LMO7: variants seen among roughly 807,000 people sequenced by gnomAD.
The protein encoded by LMO7 is LIM domain 7, also known as LIM domain only protein 7.
Under a neutral mutation model 206.5 loss-of-function variants are expected in LMO7, and 120 were observed. The ratio of observed to expected loss-of-function variants is 0.58; its 90% CI spans 0.50 to 0.68. The LOEUF is 0.68. Ranked by LOEUF, LMO7 falls within the 30% of genes least tolerant of loss-of-function variation. The pLI, the probability that LMO7 is intolerant of heterozygous loss-of-function variation, is 0.00. For synonymous variants in LMO7, 706 were observed against 681.5 expected (o/e 1.04, Z -0.56); for missense variants, 1,959 against 1,957.9 (o/e 1.00, Z -0.01).
Position 75,844,909 on chromosome 13 carries a change from T to C in LMO7, c.4098-418T>C, listed in dbSNP as rs74096439. 2.2e-3 allele frequency among the ~76,000 whole-genome samples: 338 copies of C among 152,322 alleles called. 1 individual carries two copies. The highest frequency in any genetic ancestry group is 7.8e-3 in the African/African-American group (324 of 41,588). ...TCCACAGTAGTCAGTGGCACTCTAA[T>C]GCCCAAGAAGTTGACATGATAACCC... On this transcript the variant is annotated intron_variant, in intron 25 of 30. Coordinates refer to ENST00000377534, the MANE Select transcript of LMO7 (RefSeq NM_001306080.2).
chr13:75,781,095 C>CCT (rs1555319753), intron 4 of LMO7, among the ~76,000 whole-genome samples: 1 of 59,994 alleles, frequency 1.7e-5, no homozygotes, highest in Non-Finnish European at 3.5e-5. Context: ...ACTCTATTTT[C>CCT]CTTTTTTTTT....
At chr13:75,839,790 G>T in intron 20 of LMO7, 4 of 210,916 alleles carry the variant, frequency 1.9e-5, no homozygotes, top group East Asian at 9.7e-5. Flanking sequence ...ATTAATAAAA[G>T]AACCCTGAAG....
intron 3 of LMO7, among the ~76,000 whole-genome samples, chr13:75,737,523 G>A (rs1457246039): frequency 6.7e-6 from 1 of 149,578 alleles, no homozygotes; most frequent in East Asian, 2.0e-4. Flanking sequence ...GGAGGCCGAG[G>A]CGGGCGGATC....
intron 4 of LMO7, among the ~76,000 whole-genome samples, chr13:75,786,870 A>G (rs1215854447): frequency 6.6e-6 from 1 of 152,204 alleles, no homozygotes; most frequent in Admixed American, 6.5e-5. Flanking sequence ...TAACATGTCT[A>G]AAACCAAAGC....
At chr13:75,730,868 GC>G (rs542657190) in intron 3 of LMO7, among the ~76,000 whole-genome samples, 306 of 141,456 alleles carry the variant, frequency 2.2e-3, no homozygotes, top group Non-Finnish European at 3.5e-3. Context: ...CTTTATTTCT[GC>G]CTTCATTTCG....
intron 3 of LMO7, among the ~76,000 whole-genome samples, chr13:75,755,021 G>T (rs879304359): frequency 2.6e-5 from 4 of 152,202 alleles, no homozygotes; most frequent in African/African-American, 4.8e-5. Flanking sequence ...ATAAGAATGA[G>T]CACTGCTTCT....
chr13:75,724,197 CA>C (rs2044265924), intron 2 of LMO7, among the ~76,000 whole-genome samples: 1 of 152,062 alleles, frequency 6.6e-6, no homozygotes, highest in South Asian at 2.1e-4. Flanking sequence ...AATTGCAGGC[CA>C]AAACTGTGAA....
chr13:75,783,652 T>C (rs746900630), intron 4 of LMO7, among the ~76,000 whole-genome samples: 2 of 152,170 alleles, frequency 1.3e-5, no homozygotes, highest in Non-Finnish European at 2.9e-5. Context: ...ACTTTGTATC[T>C]GAAAGACAAG....
chr13:75,760,879 C>G (rs781753361), intron 3 of LMO7, 53 bp from the exon 4 acceptor site: 5 of 1,605,896 alleles, frequency 3.1e-6, no homozygotes, highest in Non-Finnish European at 3.4e-6. Flanking sequence ...AATTTGTAAC[C>G]TTTGTCTGAG....
At chr13:75,815,400 T>A (rs1245734246) in intron 11 of LMO7, among the ~76,000 whole-genome samples, 1 of 152,134 alleles carries the variant, frequency 6.6e-6, no homozygotes, top group Non-Finnish European at 1.5e-5. Flanking sequence ...GAGAAGAATC[T>A]GGGATGGCTC....
At chr13:75,666,007 A>G (rs577495758) in intron 1 of LMO7, among the ~76,000 whole-genome samples, 7 of 152,356 alleles carry the variant, frequency 4.6e-5, no homozygotes, top group Admixed American at 1.3e-4. Context: ...TGATAAACAT[A>G]AAGTATTAGG....
In LMO7 at chr13:75,819,423, A is replaced by G; in HGVS notation, c.2095A>G (p.Ser699Gly). Residue 699 changes from serine (S) to glycine (G), a missense_variant, in exon 13 of 31, where the codon AGT becomes GGT. Ser to Gly is a moderately conservative substitution (Grantham distance 56). Transcript: ENST00000377534. ...TGCAAAATGGAAAGATCGTCGAAAA[A>G]GTTACACTTCAGATCTGCAGAAGAA... is the stretch of plus-strand genomic sequence containing the variant. Reference protein sequence around the residue: ...DLAKWKDRRKSYTSDLQKKKE... With the variant: ...DLAKWKDRRKGYTSDLQKKKE... 1 of 1,607,684 alleles carries G rather than the reference A, an allele frequency of 6.2e-7. No individual in the cohort carries two copies. The highest frequency in any genetic ancestry group is 8.5e-7 in the Non-Finnish European group (1 of 1,178,502).
chr13:75,851,558 A>G (rs1475194118), intron 27 of LMO7, among the ~76,000 whole-genome samples: 1 of 152,216 alleles, frequency 6.6e-6, no homozygotes, highest in Non-Finnish European at 1.5e-5. Flanking sequence ...CACTTTTATA[A>G]TGTTAAAATT....
chr13:75,634,981 C>T (rs2035568621), upstream of LMO7, among the ~76,000 whole-genome samples: 1 of 151,024 alleles, frequency 6.6e-6, no homozygotes, highest in Non-Finnish European at 1.5e-5. Context: ...ACTCCAGCCT[C>T]GGCAACAGTG....
At chr13:75,731,224 T>C (rs2045170896) in intron 3 of LMO7, among the ~76,000 whole-genome samples, 1 of 152,154 alleles carries the variant, frequency 6.6e-6, no homozygotes, top group African/African-American at 2.4e-5. Flanking sequence ...ATGTTGACAG[T>C]GGGGTGTTAA....
chr13:75,705,907 T>G (rs1022513558), intron 1 of LMO7, among the ~76,000 whole-genome samples: 11 of 141,108 alleles, frequency 7.8e-5, no homozygotes, highest in Admixed American at 4.3e-4. Flanking sequence ...GTTTCTTCCT[T>G]TAAATAAAGG....
At chr13:75,665,431 T>C (rs192321360) in intron 1 of LMO7, among the ~76,000 whole-genome samples, 64 of 152,284 alleles carry the variant, frequency 4.2e-4, no homozygotes, top group African/African-American at 1.5e-3. Context: ...AGAATAGATT[T>C]ACTTTTGTAT....
chr13:75,728,031 G>A (rs2044664459), intron 3 of LMO7, among the ~76,000 whole-genome samples: 1 of 151,928 alleles, frequency 6.6e-6, no homozygotes, highest in East Asian at 1.9e-4. Flanking sequence ...ATCATTGTTG[G>A]ACATTTGGGT....
chr13:75,784,004 G>T (rs1433485187), intron 4 of LMO7, among the ~76,000 whole-genome samples: 1 of 152,108 alleles, frequency 6.6e-6, no homozygotes, highest in Admixed American at 6.5e-5. Flanking sequence ...CGAAACAGTG[G>T]TTCTCAACCA....
Sources: allele counts gnomAD v4.1 joint callset (sites outside exome capture counted in the v4.1 genomes callset), GRCh38; gene constraint gnomAD v4.1.1; transcripts MANE v1.5; gene names NCBI Gene and HGNC (gene_info 2026-07-23, HGNC 2026-07-21).